The following LGSN variants were observed in gnomAD, a reference collection of about 807,000 sequenced individuals.
LGSN encodes lengsin.
LGSN carries 21 observed loss-of-function variants against 19.5 expected under a neutral mutation model. That is an observed-to-expected ratio of 1.07 (90% CI 0.76 to 1.55). The LOEUF (loss-of-function observed/expected upper bound fraction) is 1.55, where lower values mean the gene tolerates loss of function less well. LGSN is among the 40% of genes most tolerant of loss of function. The pLI, the probability that LGSN is intolerant of heterozygous loss-of-function variation, is 0.00. For synonymous variants in LGSN, 257 were observed against 215.6 expected (o/e 1.19, Z -1.68); for missense variants, 673 against 608.5 (o/e 1.11, Z -1.12).
the LGSN span, among the ~76,000 whole-genome samples, chr6:63,384,072 G>A: frequency 4.6e-5 from 7 of 152,088 alleles, no homozygotes; most frequent in African/African-American, 7.2e-5. Context: ...GCTTCTAAAC[G>A]TTTAGACCAA....
chr6:63,360,373 T>G, the LGSN span, among the ~76,000 whole-genome samples: 2 of 152,218 alleles, frequency 1.3e-5, no homozygotes, highest in Non-Finnish European at 2.9e-5. Context: ...TTTATTCTTT[T>G]TTCTCTAAAC....
chr6:63,319,859 A>T (rs1769021262), intron 1 of LGSN, 55 bp downstream of exon 1: 1 of 1,290,684 alleles, frequency 7.7e-7, no homozygotes. Flanking sequence ...ACATTTTTTA[A>T]AAAGATTTAC....
chr6:63,276,321 T>C lies in LGSN; in HGVS notation c.*3700A>G, dbSNP rs992541780. On this transcript the variant is annotated 3_prime_UTR_variant, in exon 4 of 4. Coordinates refer to ENST00000370657, the MANE Select transcript of LGSN (RefSeq NM_016571.3). ...CTTCAAATAATCATTTCAAGCGTTG[T>C]TGTTATTCACACACTGTAAAATGAA... is the stretch of plus-strand genomic sequence containing the variant. The C allele has an allele frequency of 6.6e-6, 1 of 152,248 alleles. No homozygotes were observed. The highest frequency in any genetic ancestry group is 6.5e-5 in the Admixed American group (1 of 15,292). The allele number at this position is 152,248 out of a possible 1,614,324, so 9.4% of individuals were successfully genotyped here.
the LGSN span, among the ~76,000 whole-genome samples, chr6:63,467,278 CA>C: frequency 2.7e-5 from 4 of 149,498 alleles, no homozygotes; most frequent in South Asian, 2.1e-4. Flanking sequence ...AAGTGAAATA[CA>C]AAAAAAAAAT....
At chr6:63,537,788 G>A in the LGSN span, among the ~76,000 whole-genome samples, 1 of 152,194 alleles carries the variant, frequency 6.6e-6, no homozygotes, top group African/African-American at 2.4e-5. Flanking sequence ...TGGCAAGGGG[G>A]AAGGAGGGTG....
At chr6:63,434,235 C>A in the LGSN span, among the ~76,000 whole-genome samples, 2 of 150,346 alleles carry the variant, frequency 1.3e-5, no homozygotes, top group South Asian at 4.2e-4. Flanking sequence ...GGTCAGGAGT[C>A]CGAGCCCAGC....
chr6:63,443,044 G>T, the LGSN span, among the ~76,000 whole-genome samples: 3 of 152,208 alleles, frequency 2.0e-5, no homozygotes, highest in African/African-American at 7.2e-5. Flanking sequence ...AGCCCACCGC[G>T]TGGGGGCTCA....
the LGSN span, among the ~76,000 whole-genome samples, chr6:63,539,627 T>A: frequency 1.3e-5 from 2 of 151,870 alleles, no homozygotes; most frequent in Non-Finnish European, 2.9e-5. Flanking sequence ...ATACAAAAAA[T>A]ATTAGCCAGG....
upstream of LGSN, among the ~76,000 whole-genome samples, chr6:63,320,798 T>A (rs1769053602): frequency 6.6e-6 from 1 of 152,220 alleles, no homozygotes; most frequent in African/African-American, 2.4e-5. Context: ...ATAGTCTCCA[T>A]GGCTAATCAC....
At chr6:63,412,793 GAA>G in the LGSN span, among the ~76,000 whole-genome samples, 2 of 139,540 alleles carry the variant, frequency 1.4e-5, no homozygotes, top group East Asian at 4.2e-4. Context: ...AGGAAGGAAA[GAA>G]AGGAAAGAAG....
chr6:63,283,721 A>G (rs918849366), intron 3 of LGSN, among the ~76,000 whole-genome samples: 2 of 149,554 alleles, frequency 1.3e-5, no homozygotes, highest in African/African-American at 4.9e-5. Context: ...ATTTTTTGAG[A>G]TGGAGTTTCA....
the LGSN span, among the ~76,000 whole-genome samples, chr6:63,482,644 T>C: frequency 2.6e-5 from 4 of 152,156 alleles, no homozygotes; most frequent in African/African-American, 7.2e-5. Flanking sequence ...GAGAATTGCT[T>C]GAACCCAGGA....
At chr6:63,343,142 A>C in the LGSN span, among the ~76,000 whole-genome samples, 1 of 152,362 alleles carries the variant, frequency 6.6e-6, no homozygotes, top group African/African-American at 2.4e-5. Context: ...AGTTTGAATA[A>C]TGTTAATTAT....
At chr6:63,431,202 C>G in the LGSN span, among the ~76,000 whole-genome samples, 1 of 152,152 alleles carries the variant, frequency 6.6e-6, no homozygotes, top group African/African-American at 2.4e-5. Context: ...AACTACCTTG[C>G]CTTGAGTCAC....
the LGSN span, among the ~76,000 whole-genome samples, chr6:63,339,710 G>A: frequency 2.4e-3 from 365 of 152,186 alleles, 4 homozygotes; most frequent in African/African-American, 8.2e-3. Context: ...ACTTGCTCCT[G>A]TCATTATGTT....
chr6:63,289,869 T>C (rs1471423681), intron 2 of LGSN, among the ~76,000 whole-genome samples: 2 of 152,178 alleles, frequency 1.3e-5, no homozygotes, highest in South Asian at 2.1e-4. Context: ...TAATGTACCA[T>C]GCTCTTTCAA....
In LGSN at chr6:63,280,919, C is replaced by A. The variant is rs760431432; in HGVS notation, c.632G>T (p.Cys211Phe). 2 of 1,613,808 alleles carry A rather than the reference C, an allele frequency of 1.2e-6. No individual in the cohort carries two copies. The highest frequency in any genetic ancestry group is 2.7e-5 in the African/African-American group (2 of 74,852). ...SLLSAFIYDF[C>F]IFGVPEILNS... ...TAAAATTTCGGGCACACCAAAAATG[C>A]AAAAATCATAGATGAAAGCAGAAAG... is the stretch of plus-strand genomic sequence containing the variant. The change falls in exon 4 of 4, where the codon TGC becomes TTC. Residue 211 changes from cysteine (C) to phenylalanine (F), a missense_variant. Physicochemically the swap from Cys to Phe is radical, Grantham distance 205 (BLOSUM62 -2). Coordinates refer to ENST00000370657, the MANE Select transcript of LGSN (RefSeq NM_016571.3).
At chr6:63,457,757 T>C in the LGSN span, among the ~76,000 whole-genome samples, 1 of 151,830 alleles carries the variant, frequency 6.6e-6, no homozygotes, top group Non-Finnish European at 1.5e-5. Context: ...TGGGTGCCTG[T>C]AATCCCAGTT....
the LGSN span, among the ~76,000 whole-genome samples, chr6:63,368,383 G>A: frequency 3.9e-5 from 6 of 152,050 alleles, no homozygotes; most frequent in East Asian, 1.9e-4. Flanking sequence ...TGACCTAACC[G>A]TCTGTGGGAA....
Sources: allele counts gnomAD v4.1 joint callset (sites outside exome capture counted in the v4.1 genomes callset), GRCh38; gene constraint gnomAD v4.1.1; transcripts MANE v1.5; gene names NCBI Gene and HGNC (gene_info 2026-07-23, HGNC 2026-07-21).